The following DYNC1LI2 variants were observed in gnomAD, a reference collection of about 807,000 sequenced individuals.
The protein encoded by DYNC1LI2 is cytoplasmic dynein 1 light intermediate chain 2.
DYNC1LI2 carries 19 observed loss-of-function variants against 57.8 expected under a neutral mutation model. That is an observed-to-expected ratio of 0.33 (90% confidence interval 0.23 to 0.48). DYNC1LI2 has a LOEUF of 0.48. DYNC1LI2 is among the 20% of genes least tolerant of loss of function. DYNC1LI2 has a pLI of 0.99. For synonymous variants in DYNC1LI2, 256 were observed against 233.4 expected (o/e 1.10, Z -0.88); for missense variants, 470 against 604.2 (o/e 0.78, Z 2.33).
chr16:66,745,755 T>C (rs2017924459), intron 3 of DYNC1LI2, among the ~76,000 whole-genome samples: 1 of 151,640 alleles, frequency 6.6e-6, no homozygotes, highest in African/African-American at 2.4e-5. Context: ...GATACAAAAA[T>C]TAGCCAGGCT....
Position 66,723,021 on chromosome 16 carries a change from G to A in DYNC1LI2, c.*701C>T, listed in dbSNP as rs1480249786. The A allele has an allele frequency of 3.2e-6, 1 of 315,130 alleles. No individual in the cohort carries two copies. Among genetic ancestry groups the A allele is most frequent in the Non-Finnish European group, 6.2e-6 (1 of 160,468 alleles). The allele number at this position is 315,130 out of a possible 1,614,324, so 19.5% of individuals were successfully genotyped here. A position where few individuals can be genotyped will look rare whatever the true frequency, so the allele number is the denominator to read the frequency against. Reference sequence around the variant, plus strand: ...GCCTGGGCCAAGCACATGGGTCCTGGGCAGCTGCCATCGTTCCCACCCCTG... The same window carrying A: ...GCCTGGGCCAAGCACATGGGTCCTGAGCAGCTGCCATCGTTCCCACCCCTG... On this transcript the variant is annotated 3_prime_UTR_variant, in exon 13 of 13. Coordinates refer to ENST00000258198, the MANE Select transcript of DYNC1LI2 (RefSeq NM_006141.3).
chr16:66,726,049 C>A, intron 11 of DYNC1LI2, 105 bp from the exon 12 acceptor site: 1 of 1,152,520 alleles, frequency 8.7e-7, no homozygotes. Flanking sequence ...CTATCAGCTT[C>A]CTAGGATATT....
chr16:66,742,402 T>C lies in DYNC1LI2; in HGVS notation c.529+36A>G. The C allele has an allele frequency of 1.9e-6, 3 of 1,599,374 alleles. No homozygotes were observed. The South Asian group carries it at 3.3e-5, about 18-fold the overall frequency. On this transcript the variant is annotated intron_variant, in intron 4 of 12. Coordinates refer to ENST00000258198, the MANE Select transcript of DYNC1LI2 (RefSeq NM_006141.3). ...GATTCAAACCATCTAAAGAGACTCGTGAACTTCCCAATTAAGAAAATTATA... is the reference window on the plus strand; with the variant it reads ...GATTCAAACCATCTAAAGAGACTCGCGAACTTCCCAATTAAGAAAATTATA...
In DYNC1LI2 at chr16:66,723,594, T is replaced by TG. The variant is rs2017485844; in HGVS notation, c.*127_*128insC. On this transcript the variant is annotated 3_prime_UTR_variant, in exon 13 of 13. Transcript: ENST00000258198. ...GGACAAGCCAATGAAGTTTTTTTTT[T>TG]TTTTTTAAAGTTCATCTCCCCTGCC... is the stretch of plus-strand genomic sequence containing the variant. 5.2e-6 allele frequency: 4 copies of TG among 776,548 alleles called. No homozygotes were observed. Among genetic ancestry groups the TG allele is most frequent in the Non-Finnish European group, 8.2e-6 (4 of 489,036 alleles). The allele number at this position is 776,548 out of a possible 1,614,324, so 48.1% of individuals were successfully genotyped here.
chr16:66,722,519 A>G lies in DYNC1LI2; in HGVS notation c.*1203T>C, dbSNP rs185638863. On this transcript the variant is annotated 3_prime_UTR_variant, in exon 13 of 13. Coordinates refer to ENST00000258198, the MANE Select transcript of DYNC1LI2 (RefSeq NM_006141.3). ...GGAGACACCTGAAACTCTTATTTCC[A>G]TAAGAAAAAAAATGCTACATTTTAT... is the stretch of plus-strand genomic sequence containing the variant. 3.9e-5 allele frequency: 6 copies of G among 152,802 alleles called. No homozygotes were observed. The highest frequency in any genetic ancestry group is 3.8e-4 in the East Asian group (2 of 5,196). The allele number at this position is 152,802 out of a possible 1,614,324, so 9.5% of individuals were successfully genotyped here.
At chr16:66,738,411 C>A (rs1291916623) in intron 4 of DYNC1LI2, 1 of 151,840 alleles carries the variant, frequency 6.6e-6, no homozygotes, top group African/African-American at 2.4e-5. Context: ...CCATGCCCGG[C>A]TAATTTTGTT....
At chr16:66,748,520 A>G (rs1250985866) in intron 3 of DYNC1LI2, among the ~76,000 whole-genome samples, 3 of 152,124 alleles carry the variant, frequency 2.0e-5, no homozygotes, top group East Asian at 1.9e-4. Context: ...ACCACCTCTG[A>G]GCATCTACTC....
rs769379579 is a variant in DYNC1LI2, at chr16:66,729,071, TCTG to T, written c.1067_1069del (p.Ala356del). The T allele has an allele frequency of 1.2e-6, 2 of 1,614,118 alleles. No individual in the cohort carries two copies. The highest frequency in any genetic ancestry group is 1.7e-6 in the Non-Finnish European group (2 of 1,180,060). On this transcript the variant is annotated inframe_deletion, in exon 9 of 13. Coordinates refer to ENST00000258198, the MANE Select transcript of DYNC1LI2 (RefSeq NM_006141.3). ...CTTCATTAGGAACACCTGCTCATCT[TCTG>T]CTGCCAACTCTTTGTCGTGGACCAG...
chr16:66,744,418 T>C (rs1333515083), intron 3 of DYNC1LI2, among the ~76,000 whole-genome samples: 1 of 152,228 alleles, frequency 6.6e-6, no homozygotes, highest in African/African-American at 2.4e-5. Context: ...CTCTACTTTG[T>C]ATATATTTTT....
chr16:66,727,127 G>A (rs6499098), intron 11 of DYNC1LI2, among the ~76,000 whole-genome samples: 76,799 of 151,916 alleles, frequency 0.51, 20,299 homozygotes, highest in African/African-American at 0.64. Flanking sequence ...TATGTTGCCC[G>A]GGCTAGTCTC....
intron 11 of DYNC1LI2, among the ~76,000 whole-genome samples, chr16:66,726,710 C>T (rs1019085500): frequency 6.6e-6 from 1 of 152,158 alleles, no homozygotes; most frequent in Non-Finnish European, 1.5e-5. Flanking sequence ...GGCACAATCT[C>T]GGCTCACTGC....
In DYNC1LI2 at chr16:66,722,062, A is replaced by T. The variant is rs2017457853; in HGVS notation, c.*1660T>A. On this transcript the variant is annotated 3_prime_UTR_variant, in exon 13 of 13. Transcript: ENST00000258198. ...AAAAAGGAAAAAAATAGTATATCTCAACAATAAAACTGGCACAAGAAACAT... is the reference window on the plus strand; with the variant it reads ...AAAAAGGAAAAAAATAGTATATCTCTACAATAAAACTGGCACAAGAAACAT... The T allele has an allele frequency of 6.5e-6, 1 of 152,684 alleles. No individual in the cohort carries two copies. The highest frequency in any genetic ancestry group is 1.5e-5 in the Non-Finnish European group (1 of 68,042). The allele number at this position is 152,684 out of a possible 1,614,324, so 9.5% of individuals were successfully genotyped here.
rs752088896 is a variant in DYNC1LI2 at position 66,726,385 on chromosome 16, AAAGT to A, written c.1262-445_1262-442del. 2.0e-5 allele frequency among the ~76,000 whole-genome samples: 3 copies of A among 152,388 alleles called. No individual in the cohort carries two copies. In the Middle Eastern group the frequency reaches 0.01, roughly 518 times the overall value. On this transcript the variant is annotated intron_variant, in intron 11 of 12. Transcript: ENST00000258198. ...CTGGGATAAAAGCTACTTAATCTGA[AAAGT>A]AATTGAGCTTGACAAGAGAAGTGAA...
intron 10 of DYNC1LI2, 150 bp from the exon 11 acceptor site, chr16:66,727,955 C>T (rs2017566147): frequency 1.2e-6 from 1 of 859,876 alleles, no homozygotes; most frequent in African/African-American, 1.7e-5. Context: ...CTTTCTGGCT[C>T]TCTTTCTCCT....
intron 2 of DYNC1LI2, among the ~76,000 whole-genome samples, chr16:66,750,091 C>A (rs989357499): frequency 6.6e-6 from 1 of 152,182 alleles, no homozygotes; most frequent in Non-Finnish European, 1.5e-5. Context: ...TTATTCAGGC[C>A]CTCTGCATCC....
chr16:66,735,950 C>A, intron 5 of DYNC1LI2, 125 bp downstream of exon 5: 2 of 1,265,536 alleles, frequency 1.6e-6, no homozygotes, highest in South Asian at 3.0e-5. Flanking sequence ...ATTCAATGTA[C>A]CTTAATGAAT....
chr16:66,729,423 G>C (rs1030523810), intron 8 of DYNC1LI2, among the ~76,000 whole-genome samples: 5 of 152,016 alleles, frequency 3.3e-5, no homozygotes, highest in African/African-American at 1.2e-4. Flanking sequence ...ACCAACTCCA[G>C]GTGAGCATTC....
intron 11 of DYNC1LI2, among the ~76,000 whole-genome samples, chr16:66,726,861 G>C: frequency 6.6e-6 from 1 of 151,702 alleles, no homozygotes; most frequent in Non-Finnish European, 1.5e-5. Flanking sequence ...TCAAACTCCT[G>C]CCCTCAAGTG....
chr16:66,723,953 A>G, intron 12 of DYNC1LI2, 131 bp from the exon 13 acceptor site: 2 of 772,290 alleles, frequency 2.6e-6, no homozygotes, highest in East Asian at 5.5e-5. Context: ...AGAATGAGGA[A>G]AGCCCTTTTC....
Sources: gnomAD v4.1 joint callset for allele counts (sites outside exome capture counted in the v4.1 genomes callset) on GRCh38, gnomAD v4.1.1 for gene constraint, MANE v1.5 for transcripts, NCBI Gene and HGNC (gene_info 2026-07-23, HGNC 2026-07-21) for gene names.